Variants in CEP112 observed in about 807,000 individuals in gnomAD.
CEP112 encodes centrosomal protein 112, also known as centrosomal protein of 112 kDa.
In CEP112, 127 loss-of-function variants were observed where a neutral mutation model predicts 153.0. That is an observed-to-expected ratio of 0.83 (90% CI 0.72 to 0.96). The LOEUF (loss-of-function observed/expected upper bound fraction) is 0.96, where lower values mean the gene tolerates loss of function less well. Ranked by LOEUF, CEP112 falls within the 40% of genes least tolerant of loss-of-function variation. The probability of loss-of-function intolerance (pLI) is 0.00; values close to 1 mark genes in which losing one functional copy is unlikely to be tolerated. For missense variants in CEP112, 1,089 were observed against 1,101.2 expected, an observed-to-expected ratio of 0.99 and a Z score of 0.16; for synonymous variants, 358 against 374.4, an observed-to-expected ratio of 0.96 and a Z score of 0.51.
intron 18 of CEP112, among the ~76,000 whole-genome samples, chr17:65,950,209 A>AT (rs914208727): frequency 2.0e-5 from 3 of 151,968 alleles, no homozygotes; most frequent in African/African-American, 7.2e-5. Flanking sequence ...TGCTGTTTTA[A>AT]TTTTTTTTAA....
At chr17:66,002,610 A>C (rs1175559465) in intron 17 of CEP112, among the ~76,000 whole-genome samples, 2 of 152,154 alleles carry the variant, frequency 1.3e-5, no homozygotes, top group Non-Finnish European at 2.9e-5. Context: ...TCAGTTAAAG[A>C]CTTTTCCTTC....
intron 4 of CEP112, among the ~76,000 whole-genome samples, chr17:66,168,955 C>T (rs2072119372): frequency 6.6e-6 from 1 of 152,150 alleles, no homozygotes; most frequent in Non-Finnish European, 1.5e-5. Context: ...GCATGCCTCC[C>T]TCCTCTTGGA....
intron 6 of CEP112, among the ~76,000 whole-genome samples, chr17:66,106,269 A>G (rs946444424): frequency 2.6e-5 from 4 of 152,070 alleles, no homozygotes; most frequent in African/African-American, 7.2e-5. Flanking sequence ...GAGCAAACCA[A>G]CCCCAAAATT....
chr17:66,149,698 T>G (rs1405964363), intron 4 of CEP112, among the ~76,000 whole-genome samples: 1 of 151,992 alleles, frequency 6.6e-6, no homozygotes, highest in Non-Finnish European at 1.5e-5. Context: ...TTGTTTCTTT[T>G]TTTCTTACCC....
intron 8 of CEP112, among the ~76,000 whole-genome samples, chr17:66,078,277 T>C (rs913941954): frequency 1.1e-4 from 16 of 148,352 alleles, no homozygotes; most frequent in African/African-American, 3.9e-4. Context: ...TTTTTTTTTT[T>C]GAGACGGAGT....
chr17:65,700,472 CAGG>C (rs1266746787), intron 23 of CEP112, among the ~76,000 whole-genome samples: 1 of 152,020 alleles, frequency 6.6e-6, no homozygotes, highest in Non-Finnish European at 1.5e-5. Flanking sequence ...GAGGGTTTCC[CAGG>C]AGGAGAGGAG....
At chr17:65,750,571 G>A (rs917912906) in intron 22 of CEP112, 91 bp downstream of exon 22, 7 of 1,006,426 alleles carry the variant, frequency 7.0e-6, no homozygotes, top group Admixed American at 1.9e-5. Flanking sequence ...TGAAAAGAAT[G>A]AAGTTTAACT....
intron 17 of CEP112, among the ~76,000 whole-genome samples, chr17:65,972,790 C>T (rs559780974): frequency 7.2e-5 from 11 of 152,288 alleles, no homozygotes; most frequent in Admixed American, 3.3e-4. Flanking sequence ...TTTTTTGAGA[C>T]GGAGTCTCAC....
chr17:66,019,065 C>T (rs892693447), intron 16 of CEP112, among the ~76,000 whole-genome samples: 1 of 152,166 alleles, frequency 6.6e-6, no homozygotes, highest in South Asian at 2.1e-4. Context: ...ATCTTAAGAG[C>T]AGACAATAGC....
intron 12 of CEP112, among the ~76,000 whole-genome samples, chr17:66,042,128 C>T (rs930865842): frequency 6.6e-6 from 1 of 152,140 alleles, no homozygotes; most frequent in African/African-American, 2.4e-5. Context: ...GAAGGCAGAT[C>T]ACCTGAGGTC....
At chr17:65,959,570 G>A (rs994961648) in intron 18 of CEP112, among the ~76,000 whole-genome samples, 14 of 152,216 alleles carry the variant, frequency 9.2e-5, no homozygotes, top group African/African-American at 1.7e-4. Context: ...GGGCGCTCCC[G>A]AGCCAGGGCT....
intron 6 of CEP112, among the ~76,000 whole-genome samples, chr17:66,129,260 C>A (rs775850706): frequency 6.6e-6 from 1 of 152,144 alleles, no homozygotes; most frequent in Non-Finnish European, 1.5e-5. Flanking sequence ...CATCTTTCTT[C>A]GTGCCTATTT....
chr17:65,868,578 A>G (rs1769094724), intron 20 of CEP112, among the ~76,000 whole-genome samples: 1 of 152,186 alleles, frequency 6.6e-6, no homozygotes, highest in South Asian at 2.1e-4. Flanking sequence ...GATGTTTTGA[A>G]ATTGAATATG....
In CEP112 at chr17:66,122,438, T is replaced by G. The variant is rs1308465419; in HGVS notation, c.642+7308A>C. 2.0e-5 allele frequency among the ~76,000 whole-genome samples: 3 copies of G among 152,166 alleles called. No individual in the cohort carries two copies. The East Asian group carries it at 5.8e-4, about 29-fold the overall frequency. On this transcript the variant is annotated intron_variant, in intron 6 of 26. Coordinates refer to ENST00000535342, the MANE Select transcript of CEP112 (RefSeq NM_001199165.4). ...CTTTGGACACTGATTCCCCTCTCCATGAGTAATTTTAGTTGTTTTCATTTG... is the reference window on the plus strand; with the variant it reads ...CTTTGGACACTGATTCCCCTCTCCAGGAGTAATTTTAGTTGTTTTCATTTG...
chr17:66,157,916 T>TA (rs1442558868), intron 4 of CEP112, among the ~76,000 whole-genome samples: 1 of 152,086 alleles, frequency 6.6e-6, no homozygotes, highest in African/African-American at 2.4e-5. Context: ...CAAAGAGACT[T>TA]AGACTCCCAC....
intron 17 of CEP112, among the ~76,000 whole-genome samples, chr17:65,991,125 T>C (rs1390432899): frequency 1.3e-5 from 2 of 152,220 alleles, no homozygotes; most frequent in African/African-American, 4.8e-5. Context: ...AATTCTCTTT[T>C]GGATTACCCT....
chr17:65,763,069 G>A (rs981779168), intron 21 of CEP112, among the ~76,000 whole-genome samples: 1 of 151,786 alleles, frequency 6.6e-6, no homozygotes, highest in Admixed American at 6.6e-5. Context: ...ATAATTTTTC[G>A]AGGTACAGAA....
chr17:65,743,857 G>A (rs113555995), intron 22 of CEP112, among the ~76,000 whole-genome samples: 2,052 of 152,010 alleles, frequency 0.013, 50 homozygotes, highest in African/African-American at 0.047. Flanking sequence ...CACTTCCTGG[G>A]TTCAAGTGAT....
intron 24 of CEP112, among the ~76,000 whole-genome samples, chr17:65,659,132 G>A (rs576985910): frequency 5.3e-5 from 8 of 151,692 alleles, no homozygotes; most frequent in African/African-American, 1.9e-4. Context: ...ACGGATTTTG[G>A]TGATCAACAG....
Sources: gnomAD v4.1 joint callset for allele counts (sites outside exome capture counted in the v4.1 genomes callset) on GRCh38, gnomAD v4.1.1 for gene constraint, MANE v1.5 for transcripts, NCBI Gene and HGNC (gene_info 2026-07-23, HGNC 2026-07-21) for gene names.